GRIP1: variants seen among roughly 807,000 people sequenced by gnomAD.
GRIP1 encodes the protein glutamate receptor-interacting protein 1.
GRIP1 carries 45 observed loss-of-function variants against 129.9 expected under a neutral mutation model. The ratio of observed to expected loss-of-function variants is 0.35; its 90% CI spans 0.27 to 0.44. The LOEUF (loss-of-function observed/expected upper bound fraction) is 0.44, where lower values mean the gene tolerates loss of function less well. Among genes scored for constraint, GRIP1 ranks in the 20% least tolerant of loss-of-function variants. The pLI, the probability that GRIP1 is intolerant of heterozygous loss-of-function variation, is 1.00. For missense variants in GRIP1, 1,196 were observed against 1,396.8 expected, an observed-to-expected ratio of 0.86 and a Z score of 2.29; for synonymous variants, 530 against 520.8, an observed-to-expected ratio of 1.02 and a Z score of -0.24.
intron 19 of GRIP1, 22 bp downstream of exon 19, chr12:66,392,286 G>A (rs750338089): frequency 7.1e-7 from 1 of 1,403,910 alleles, no homozygotes; most frequent in Non-Finnish European, 1.0e-6. Context: ...CAAGTCCTCT[G>A]GGGGACAAAG....
chr12:66,936,256 CA>C (rs780258768), intron 1 of GRIP1, among the ~76,000 whole-genome samples: 2 of 151,750 alleles, frequency 1.3e-5, no homozygotes, highest in African/African-American at 4.8e-5. Flanking sequence ...CTTGTCTCTA[CA>C]AAAAACAGAA....
intron 1 of GRIP1, among the ~76,000 whole-genome samples, chr12:66,856,035 T>C (rs1019563697): frequency 8.5e-5 from 13 of 152,124 alleles, no homozygotes; most frequent in African/African-American, 2.9e-4. Context: ...GAAAATTTTA[T>C]AGCATTTCTA....
intron 22 of GRIP1, 59 bp from the exon 23 acceptor site, chr12:66,371,986 G>T: frequency 1.8e-6 from 2 of 1,093,074 alleles, no homozygotes; most frequent in Non-Finnish European, 2.8e-6. Context: ...AGGATTTGGT[G>T]CTCAACAGTA....
chr12:66,981,637 A>C (rs751729001), intron 1 of GRIP1, among the ~76,000 whole-genome samples: 7 of 152,218 alleles, frequency 4.6e-5, no homozygotes, highest in Non-Finnish European at 1.0e-4. Flanking sequence ...GCTTTACAGC[A>C]AGGTTCTGAT....
At chr12:66,867,944 A>G (rs1641009916) in intron 1 of GRIP1, among the ~76,000 whole-genome samples, 1 of 152,184 alleles carries the variant, frequency 6.6e-6, no homozygotes, top group South Asian at 2.1e-4. Flanking sequence ...AAACAACACT[A>G]AATTTTCAAT....
intron 1 of GRIP1, among the ~76,000 whole-genome samples, chr12:66,854,325 A>AAGCACAG (rs555563144): frequency 0.47 from 23,729 of 50,994 alleles, 2,020 homozygotes; most frequent in East Asian, 0.61. Context: ...ACTGATTACA[A>AAGCACAG]AGATGAGAAT....
intron 2 of GRIP1, among the ~76,000 whole-genome samples, chr12:66,561,018 A>T (rs2062507315): frequency 6.6e-6 from 1 of 152,170 alleles, no homozygotes; most frequent in Non-Finnish European, 1.5e-5. Context: ...AAAGAATGAG[A>T]TCCTGTCATT....
intron 1 of GRIP1, among the ~76,000 whole-genome samples, chr12:67,056,754 C>T (rs2043443205): frequency 6.6e-6 from 1 of 152,138 alleles, no homozygotes; most frequent in Non-Finnish European, 1.5e-5. Flanking sequence ...AAGAGCATTA[C>T]ATATGCCACT....
At chr12:66,606,356 T>A (rs1444426866) in intron 1 of GRIP1, among the ~76,000 whole-genome samples, 1 of 152,156 alleles carries the variant, frequency 6.6e-6, no homozygotes, top group Non-Finnish European at 1.5e-5. Context: ...ATCATATATT[T>A]TTAGATGCCT....
intron 1 of GRIP1, among the ~76,000 whole-genome samples, chr12:66,916,666 C>T (rs749077920): frequency 3.3e-5 from 5 of 151,562 alleles, no homozygotes; most frequent in Admixed American, 6.6e-5. Flanking sequence ...GTTAAAAAAA[C>T]GATTATTCAA....
At chr12:66,987,724 A>ATCTG (rs2042333211) in intron 1 of GRIP1, among the ~76,000 whole-genome samples, 1 of 152,234 alleles carries the variant, frequency 6.6e-6, no homozygotes, top group Non-Finnish European at 1.5e-5. Flanking sequence ...ATAAGGCCAC[A>ATCTG]GTGTGTCACC....
At chr12:66,973,999 T>G (rs2042115774) in intron 1 of GRIP1, among the ~76,000 whole-genome samples, 1 of 148,708 alleles carries the variant, frequency 6.7e-6, no homozygotes, top group African/African-American at 2.5e-5. Flanking sequence ...CTCGGCTCAC[T>G]GCAACCTCCG....
At chr12:66,910,016 G>A (rs955088113) in intron 1 of GRIP1, among the ~76,000 whole-genome samples, 1 of 152,096 alleles carries the variant, frequency 6.6e-6, no homozygotes, top group Non-Finnish European at 1.5e-5. Context: ...TCTCTGGTCA[G>A]TGCATTTAAT....
At chr12:66,865,686 C>A (rs1278308354) in intron 1 of GRIP1, among the ~76,000 whole-genome samples, 1 of 152,082 alleles carries the variant, frequency 6.6e-6, no homozygotes, top group Non-Finnish European at 1.5e-5. Context: ...ATCTCCCCCT[C>A]AGCTTTTTCT....
chr12:66,516,825 A>T (rs2060857984), intron 6 of GRIP1, among the ~76,000 whole-genome samples: 1 of 152,182 alleles, frequency 6.6e-6, no homozygotes, highest in Non-Finnish European at 1.5e-5. Context: ...CTAATTTTAT[A>T]TGAAATATCA....
intron 1 of GRIP1, among the ~76,000 whole-genome samples, chr12:66,798,911 A>T (rs1192553380): frequency 6.6e-6 from 1 of 152,156 alleles, no homozygotes; most frequent in Non-Finnish European, 1.5e-5. Flanking sequence ...CCTATCAGGG[A>T]ACTAAGTAGT....
intron 1 of GRIP1, among the ~76,000 whole-genome samples, chr12:66,623,339 T>C (rs2065357010): frequency 1.3e-5 from 2 of 152,184 alleles, no homozygotes; most frequent in African/African-American, 4.8e-5. Flanking sequence ...AAGGCATTCT[T>C]ATCTGCAGTA....
intron 1 of GRIP1, among the ~76,000 whole-genome samples, chr12:66,949,238 TA>T (rs967162935): frequency 3.3e-5 from 5 of 152,114 alleles, no homozygotes; most frequent in African/African-American, 7.2e-5. Context: ...TATTCACTAT[TA>T]AAAAAAAGAA....
chr12:67,053,262 GGGGGATAA>G (rs1280922769), intron 1 of GRIP1, among the ~76,000 whole-genome samples: 4 of 152,178 alleles, frequency 2.6e-5, no homozygotes, highest in African/African-American at 9.7e-5. Flanking sequence ...TTCCAAAGCT[GGGGGATAA>G]GGAGAGAAAC....
Sources: allele counts gnomAD v4.1 joint callset (sites outside exome capture counted in the v4.1 genomes callset), GRCh38; gene constraint gnomAD v4.1.1; transcripts MANE v1.5; gene names NCBI Gene and HGNC (gene_info 2026-07-23, HGNC 2026-07-21).